MYO16: variants seen among roughly 807,000 people sequenced by gnomAD.
MYO16 encodes the protein unconventional myosin-XVI.
Under a neutral mutation model 205.3 loss-of-function variants are expected in MYO16, and 94 were observed. The observed-to-expected ratio is 0.46, with a 90% CI of 0.39 to 0.54. The LOEUF (loss-of-function observed/expected upper bound fraction) is 0.54. Among genes scored for constraint, MYO16 ranks in the 20% least tolerant of loss-of-function variants. MYO16 has a pLI of 0.00. For synonymous variants in MYO16, 988 were observed against 954.0 expected (o/e 1.04, Z -0.66); for missense variants, 2,315 against 2,387.5 (o/e 0.97, Z 0.63).
chr13:109,062,098 T>G (rs978408011), intron 27 of MYO16, among the ~76,000 whole-genome samples: 3 of 152,088 alleles, frequency 2.0e-5, no homozygotes, highest in African/African-American at 4.8e-5. Flanking sequence ...GAGAGAGAGA[T>G]ATCATAAAAT....
At position 108,961,591 on chromosome 13, in the gene MYO16, T is replaced by A; in HGVS notation, c.2090T>A (p.Ile697Asn). ...GCAGCAATATTGCACCTTGGAGACA[T>A]TCGGTTTACTGCCCTGAATGAGGGG... ...ILAAILHLGD[I>N]RFTALNEGNS... Residue 697 changes from isoleucine (I) to asparagine (N), a missense_variant, in exon 18 of 35, where the codon ATT becomes AAT. By Grantham distance (149) the Ile-to-Asn change is moderately radical (BLOSUM62 -3). Transcript: ENST00000457511. 1.2e-6 allele frequency: 2 copies of A among 1,614,152 alleles called. No individual in the cohort carries two copies. Among genetic ancestry groups the A allele is most frequent in the Non-Finnish European group, 1.7e-6 (2 of 1,179,994 alleles).
chr13:109,154,931 A>AAAAAAAAAAAAAAAT (rs1471899527), intron 32 of MYO16, among the ~76,000 whole-genome samples: 1 of 151,184 alleles, frequency 6.6e-6, no homozygotes, highest in African/African-American at 2.4e-5. Context: ...AAAAAAAAAA[A>AAAAAAAAAAAAAAAT]AAAAAAGCTA....
chr13:108,603,041 T>G (rs1878822869), intron 1 of MYO16, among the ~76,000 whole-genome samples: 2 of 152,182 alleles, frequency 1.3e-5, no homozygotes, highest in African/African-American at 4.8e-5. Flanking sequence ...ATGTAATAAA[T>G]GAGTATTTAG....
At chr13:108,709,224 G>C (rs1005030133) in intron 2 of MYO16, among the ~76,000 whole-genome samples, 1 of 152,008 alleles carries the variant, frequency 6.6e-6, no homozygotes, top group Non-Finnish European at 1.5e-5. Flanking sequence ...TTGACTGGCC[G>C]CTCCAATCAT....
chr13:108,939,201 TG>T (rs1882618411), intron 16 of MYO16, among the ~76,000 whole-genome samples: 1 of 152,222 alleles, frequency 6.6e-6, no homozygotes, highest in African/African-American at 2.4e-5. Context: ...GTCCTGGGTC[TG>T]GGGAATGTCT....
chr13:109,022,698 TTA>T (rs1219151523), intron 23 of MYO16, among the ~76,000 whole-genome samples: 1 of 113,526 alleles, frequency 8.8e-6, no homozygotes, highest in East Asian at 2.3e-4. Flanking sequence ...ATGTATATAT[TTA>T]TATATTATAT....
At chr13:108,763,466 G>C (rs1385690884) in intron 4 of MYO16, among the ~76,000 whole-genome samples, 1 of 152,166 alleles carries the variant, frequency 6.6e-6, no homozygotes, top group Non-Finnish European at 1.5e-5. Context: ...TAAAATCCTG[G>C]AAAGTGATTG....
At chr13:108,971,176 A>T (rs1883992164) in intron 20 of MYO16, among the ~76,000 whole-genome samples, 1 of 152,092 alleles carries the variant, frequency 6.6e-6, no homozygotes, top group African/African-American at 2.4e-5. Context: ...TGTTAAATTT[A>T]AAATTATTGT....
At chr13:109,139,605 G>A (rs573897549) in intron 31 of MYO16, among the ~76,000 whole-genome samples, 8 of 152,316 alleles carry the variant, frequency 5.3e-5, no homozygotes, top group South Asian at 2.1e-4. Flanking sequence ...GCAGACTTGC[G>A]TCTTAAGAGC....
chr13:109,131,697 T>A (rs1033645599), intron 31 of MYO16, among the ~76,000 whole-genome samples: 1 of 152,228 alleles, frequency 6.6e-6, no homozygotes, highest in South Asian at 2.1e-4. Context: ...AGCCTGCAGT[T>A]GCTCTTTGCA....
intron 16 of MYO16, among the ~76,000 whole-genome samples, chr13:108,936,089 C>T (rs1594408849): frequency 7.6e-4 from 2 of 2,644 alleles, no homozygotes. Flanking sequence ...CTATAGTTTC[C>T]TTCCTTCCTT....
intron 15 of MYO16, among the ~76,000 whole-genome samples, chr13:108,903,493 A>G (rs1880812873): frequency 6.6e-6 from 1 of 152,154 alleles, no homozygotes; most frequent in South Asian, 2.1e-4. Context: ...ATTCCAAGGT[A>G]TTGAGGATGA....
intron 4 of MYO16, among the ~76,000 whole-genome samples, chr13:108,728,985 CTT>C (rs138750767): frequency 2.8e-5 from 4 of 144,586 alleles, no homozygotes; most frequent in Non-Finnish European, 1.5e-5. Flanking sequence ...TGTACACTTT[CTT>C]TTTTTTTTTT....
intron 4 of MYO16, among the ~76,000 whole-genome samples, chr13:108,768,583 T>C (rs1332427961): frequency 6.6e-6 from 1 of 152,180 alleles, no homozygotes; most frequent in Non-Finnish European, 1.5e-5. Context: ...GTTCAGGGCT[T>C]TTCCAAGATC....
At chr13:108,808,341 C>CT (rs1555300986) in intron 7 of MYO16, among the ~76,000 whole-genome samples, 52 of 147,926 alleles carry the variant, frequency 3.5e-4, no homozygotes, top group Admixed American at 1.1e-3. Flanking sequence ...ATAGAACCTT[C>CT]TTTTTTTTTG....
At chr13:108,659,072 T>A (rs183063186) in intron 1 of MYO16, among the ~76,000 whole-genome samples, 4 of 151,504 alleles carry the variant, frequency 2.6e-5, no homozygotes, top group Admixed American at 2.6e-4. Context: ...TTTTTTTTTT[T>A]AGTTCATTTT....
chr13:108,926,429 G>A (rs142254372), intron 16 of MYO16, among the ~76,000 whole-genome samples: 125 of 152,282 alleles, frequency 8.2e-4, no homozygotes, highest in Middle Eastern at 6.8e-3. Context: ...TAGCATATAG[G>A]CATCAAATTG....
chr13:108,765,229 G>A (rs1053872264), intron 4 of MYO16, among the ~76,000 whole-genome samples: 6 of 152,070 alleles, frequency 3.9e-5, no homozygotes, highest in South Asian at 2.1e-4. Flanking sequence ...GATTTTTAAT[G>A]GTATGCAGTT....
Position 108,837,667 on chromosome 13 carries a change from A to T in MYO16, c.1098-6676A>T, listed in dbSNP as rs1020263035. Among the ~76,000 whole-genome samples, 4 of 152,218 alleles carry T rather than the reference A, an allele frequency of 2.6e-5. No homozygotes were observed. The East Asian group carries it at 7.7e-4, about 29-fold the overall frequency. On this transcript the variant is annotated intron_variant, in intron 9 of 34. Transcript: ENST00000457511. ...TAGCCAACTTGAACCAACTTGAGGT[A>T]AAATCTGATTTAAATCTGATTTAAA...
Sources: gnomAD v4.1 joint callset for allele counts (sites outside exome capture counted in the v4.1 genomes callset) on GRCh38, gnomAD v4.1.1 for gene constraint, MANE v1.5 for transcripts, NCBI Gene and HGNC (gene_info 2026-07-23, HGNC 2026-07-21) for gene names.